The following EFNA5 variants were observed in gnomAD, a reference collection of about 807,000 sequenced individuals.
EFNA5 encodes the protein ephrin A5.
Under a neutral mutation model 22.9 loss-of-function variants are expected in EFNA5, and 5 were observed. That is an observed-to-expected ratio of 0.22 (90% CI 0.11 to 0.46). EFNA5 has a LOEUF of 0.46. Among genes scored for constraint, EFNA5 ranks in the 20% least tolerant of loss-of-function variants. The pLI is 0.99. For synonymous variants in EFNA5, 113 were observed against 112.2 expected (o/e 1.01, Z -0.04); for missense variants, 237 against 293.3 (o/e 0.81, Z 1.40).
At chr5:107,579,126 C>A (rs1748988134) in intron 1 of EFNA5, among the ~76,000 whole-genome samples, 1 of 151,582 alleles carries the variant, frequency 6.6e-6, no homozygotes, top group Non-Finnish European at 1.5e-5. Flanking sequence ...TCCCAACAAC[C>A]CTGGAAGTTA....
chr5:107,471,252 C>T (rs574446593), intron 1 of EFNA5, among the ~76,000 whole-genome samples: 1 of 152,088 alleles, frequency 6.6e-6, no homozygotes, highest in Admixed American at 6.6e-5. Flanking sequence ...GTCTTCTCAC[C>T]TGCTGTGCAA....
chr5:107,497,558 A>C (rs1025006450), intron 1 of EFNA5, among the ~76,000 whole-genome samples: 1 of 152,232 alleles, frequency 6.6e-6, no homozygotes, highest in East Asian at 1.9e-4. Flanking sequence ...TAAAGAAGGC[A>C]TAAGATGCTT....
At chr5:107,617,971 T>A (rs1749957893) in intron 1 of EFNA5, among the ~76,000 whole-genome samples, 1 of 151,988 alleles carries the variant, frequency 6.6e-6, no homozygotes, top group Middle Eastern at 3.2e-3. Context: ...GAGACCATCC[T>A]GGACAAAATA....
At chr5:107,632,688 T>G (rs1296864164) in intron 1 of EFNA5, among the ~76,000 whole-genome samples, 5 of 152,172 alleles carry the variant, frequency 3.3e-5, no homozygotes. Context: ...AGAGAAATTT[T>G]GTTTTCTCCC....
At chr5:107,631,833 AT>A (rs1750261001) in intron 1 of EFNA5, among the ~76,000 whole-genome samples, 1 of 152,232 alleles carries the variant, frequency 6.6e-6, no homozygotes, top group Non-Finnish European at 1.5e-5. Flanking sequence ...TAATACATAT[AT>A]TTGGATGTTT....
rs537114467 is a variant in EFNA5, at chr5:107,624,889, T to C, written c.125+45600A>G. Among the ~76,000 whole-genome samples, 4 of 152,226 alleles carry C rather than the reference T, an allele frequency of 2.6e-5. No homozygotes were observed. In the East Asian group the frequency reaches 5.8e-4, roughly 22 times the overall value. ...CAATACGGTTTTCACAAAAATTATA[T>C]TTTATATATAAACATTCATTTACCA... is the stretch of plus-strand genomic sequence containing the variant. On this transcript the variant is annotated intron_variant, in intron 1 of 4. Coordinates refer to ENST00000333274, the MANE Select transcript of EFNA5 (RefSeq NM_001962.3).
chr5:107,452,514 C>G (rs193005806), intron 1 of EFNA5, among the ~76,000 whole-genome samples: 1 of 151,638 alleles, frequency 6.6e-6, no homozygotes, highest in African/African-American at 2.4e-5. Flanking sequence ...ACTTGAGCCC[C>G]GAAGTTTGAG....
At chr5:107,381,497 A>G (rs1747459607) in intron 4 of EFNA5, 121 bp from the exon 5 acceptor site, 5 of 1,145,510 alleles carry the variant, frequency 4.4e-6, no homozygotes, top group Non-Finnish European at 5.9e-6. Flanking sequence ...ACCTTGTGCC[A>G]CCATTGACTT....
intron 1 of EFNA5, among the ~76,000 whole-genome samples, chr5:107,627,783 A>G (rs545397517): frequency 5.9e-5 from 9 of 152,300 alleles, no homozygotes; most frequent in African/African-American, 2.2e-4. Flanking sequence ...TTCCATTTCA[A>G]TTACCACAAT....
At chr5:107,561,888 G>A (rs1375513364) in intron 1 of EFNA5, among the ~76,000 whole-genome samples, 1 of 151,980 alleles carries the variant, frequency 6.6e-6, no homozygotes, top group East Asian at 1.9e-4. Context: ...CTTTAGACAT[G>A]CCTGAAGTAA....
intron 1 of EFNA5, among the ~76,000 whole-genome samples, chr5:107,435,363 G>C (rs1271389175): frequency 7.7e-6 from 1 of 129,650 alleles, no homozygotes; most frequent in South Asian, 2.3e-4. Context: ...TTAAAGCATC[G>C]AATACAAACA....
At chr5:107,512,692 C>T (rs757793953) in intron 1 of EFNA5, among the ~76,000 whole-genome samples, 1 of 152,082 alleles carries the variant, frequency 6.6e-6, no homozygotes, top group Non-Finnish European at 1.5e-5. Flanking sequence ...ACAGCTCCAT[C>T]AAGCAGCAAT....
At chr5:107,636,379 C>T (rs1750374092) in intron 1 of EFNA5, among the ~76,000 whole-genome samples, 1 of 152,152 alleles carries the variant, frequency 6.6e-6, no homozygotes, top group East Asian at 1.9e-4. Context: ...TTTCATGGAG[C>T]CCAAAGCACA....
intron 1 of EFNA5, among the ~76,000 whole-genome samples, chr5:107,554,450 G>T (rs1299067572): frequency 6.6e-6 from 1 of 151,974 alleles, no homozygotes; most frequent in Non-Finnish European, 1.5e-5. Context: ...CACTGATATG[G>T]GAAAAATTAA....
At chr5:107,399,516 C>T (rs1580425216) in intron 2 of EFNA5, among the ~76,000 whole-genome samples, 1 of 152,058 alleles carries the variant, frequency 6.6e-6, no homozygotes, top group Non-Finnish European at 1.5e-5. Flanking sequence ...GCAGGCCCCT[C>T]CCAGTGAACA....
chr5:107,415,177 T>TTTTA (rs1247405078), intron 2 of EFNA5, among the ~76,000 whole-genome samples: 1 of 147,888 alleles, frequency 6.8e-6, no homozygotes, highest in African/African-American at 2.6e-5. Flanking sequence ...ATGGATGAGA[T>TTTTA]TATATATATA....
At chr5:107,519,231 C>T (rs988897239) in intron 1 of EFNA5, among the ~76,000 whole-genome samples, 4 of 152,222 alleles carry the variant, frequency 2.6e-5, no homozygotes, top group Middle Eastern at 6.8e-3. Context: ...TTCTAAAAGT[C>T]GGAACCTAGT....
At chr5:107,454,224 A>G (rs1308601076) in intron 1 of EFNA5, among the ~76,000 whole-genome samples, 1 of 152,208 alleles carries the variant, frequency 6.6e-6, no homozygotes, top group African/African-American at 2.4e-5. Flanking sequence ...TCTACAAGTC[A>G]TTTTTGAGTA....
intron 2 of EFNA5, among the ~76,000 whole-genome samples, chr5:107,400,930 T>C (rs1748066018): frequency 6.6e-6 from 1 of 152,236 alleles, no homozygotes; most frequent in South Asian, 2.1e-4. Context: ...CTATTTGATT[T>C]TCCCAGAAAC....
Sources: allele counts gnomAD v4.1 joint callset (sites outside exome capture counted in the v4.1 genomes callset), GRCh38; gene constraint gnomAD v4.1.1; transcripts MANE v1.5; gene names NCBI Gene and HGNC (gene_info 2026-07-23, HGNC 2026-07-21).